PDGFD: variants seen among roughly 807,000 people sequenced by gnomAD.
The protein encoded by PDGFD is platelet derived growth factor D.
A neutral mutation model predicts 44.7 loss-of-function variants in PDGFD; 30 were observed. The observed-to-expected ratio is 0.67, with a 90% CI of 0.50 to 0.91. PDGFD has a LOEUF of 0.91. Among genes scored for constraint, PDGFD ranks in the 40% least tolerant of loss-of-function variants. The pLI, the probability that PDGFD is intolerant of heterozygous loss-of-function variation, is 0.00. For synonymous variants in PDGFD, 173 were observed against 168.4 expected (o/e 1.03, Z -0.21); for missense variants, 445 against 457.8 (o/e 0.97, Z 0.25).
chr11:104,055,699 A>AAT (rs1201073401), intron 1 of PDGFD, among the ~76,000 whole-genome samples: 1 of 152,210 alleles, frequency 6.6e-6, no homozygotes, highest in Admixed American at 6.5e-5. Context: ...GAAGTGACAT[A>AAT]ATAGATATTG....
chr11:103,973,481 G>C (rs147219531), intron 3 of PDGFD, among the ~76,000 whole-genome samples: 2 of 152,072 alleles, frequency 1.3e-5, no homozygotes, highest in African/African-American at 4.8e-5. Context: ...CAACTTAAGA[G>C]GTAATGCTTG....
intron 1 of PDGFD, chr11:104,038,272 T>C: frequency 2.3e-6 from 1 of 430,208 alleles, no homozygotes; most frequent in Non-Finnish European, 4.3e-6. Flanking sequence ...AGATAATCCA[T>C]GAAAAAGAAA....
chr11:103,988,690 A>C (rs1201393266), intron 3 of PDGFD, among the ~76,000 whole-genome samples: 1 of 152,128 alleles, frequency 6.6e-6, no homozygotes, highest in African/African-American at 2.4e-5. Context: ...TTCATATCTC[A>C]GGGATAGCAG....
At chr11:103,938,042 G>A (rs1295366021) in intron 5 of PDGFD, among the ~76,000 whole-genome samples, 3 of 151,342 alleles carry the variant, frequency 2.0e-5, no homozygotes, top group African/African-American at 7.4e-5. Flanking sequence ...ATAGCAGCAT[G>A]ATTTATAATC....
chr11:104,126,172 G>A (rs573686711), intron 1 of PDGFD, among the ~76,000 whole-genome samples: 2 of 152,202 alleles, frequency 1.3e-5, no homozygotes, highest in South Asian at 4.1e-4. Context: ...TAGTCTACAC[G>A]CAATGAATTT....
At chr11:104,079,395 T>G (rs377564807) in intron 1 of PDGFD, among the ~76,000 whole-genome samples, 2 of 152,132 alleles carry the variant, frequency 1.3e-5, no homozygotes, top group African/African-American at 4.8e-5. Flanking sequence ...TTTTCTTTCT[T>G]TTTCTTTTTC....
chr11:103,946,060 C>G (rs1045199239), intron 4 of PDGFD: 1 of 152,076 alleles, frequency 6.6e-6, no homozygotes, highest in Non-Finnish European at 1.5e-5. Context: ...TTCAGCTGAA[C>G]AGTAAATATG....
At chr11:104,144,671 A>G (rs567006295) in intron 1 of PDGFD, among the ~76,000 whole-genome samples, 4 of 152,312 alleles carry the variant, frequency 2.6e-5, no homozygotes, top group African/African-American at 9.6e-5. Context: ...GAAGCTGGCA[A>G]TTGTCTTACC....
intron 3 of PDGFD, among the ~76,000 whole-genome samples, chr11:103,966,263 TG>T (rs1389545109): frequency 3.3e-5 from 5 of 152,164 alleles, no homozygotes; most frequent in African/African-American, 7.2e-5. Flanking sequence ...CAGATAATGC[TG>T]GGTTAAGAAA....
intron 1 of PDGFD, among the ~76,000 whole-genome samples, chr11:104,131,322 A>G (rs1861916849): frequency 6.6e-6 from 1 of 152,170 alleles, no homozygotes; most frequent in Non-Finnish European, 1.5e-5. Flanking sequence ...GCCCTCTTTG[A>G]AGTTTGGAAA....
At chr11:103,984,587 T>C (rs1482282660) in intron 3 of PDGFD, among the ~76,000 whole-genome samples, 1 of 151,312 alleles carries the variant, frequency 6.6e-6, no homozygotes, top group African/African-American at 2.4e-5. Flanking sequence ...TGTGCCAAAA[T>C]ATTCATAGTA....
intron 1 of PDGFD, among the ~76,000 whole-genome samples, chr11:104,145,080 T>C (rs1377538261): frequency 6.6e-6 from 1 of 152,214 alleles, no homozygotes; most frequent in African/African-American, 2.4e-5. Context: ...ATTTACTTTA[T>C]AATAAGTGGT....
At chr11:104,116,928 T>G (rs1029380157) in intron 1 of PDGFD, among the ~76,000 whole-genome samples, 2 of 151,990 alleles carry the variant, frequency 1.3e-5, no homozygotes, top group African/African-American at 4.8e-5. Context: ...TTCTGAGGCC[T>G]CCCCAGCCAT....
rs185084946 is a variant in PDGFD, at chr11:103,909,732, G to A, written c.1075C>T (p.Arg359Ter). ...LVDIQLDHHE[R>*]CDCICSSRPP... ...CTTGAGCTGCAGATACAATCACATC[G>A]TTCATGGTGATCCAACTGGATGTCA... Residue 359 changes from arginine (R) to a stop codon, truncating the protein, a stop_gained, in exon 7 of 7, where the codon CGA (arginine) becomes TGA (stop). Coordinates refer to ENST00000393158, the MANE Select transcript of PDGFD (RefSeq NM_025208.5). LOFTEE classifies it high-confidence loss of function. 1.9e-5 allele frequency: 30 copies of A among 1,613,992 alleles called. No homozygotes were observed. Among genetic ancestry groups the A allele is most frequent in the Admixed American group, 3.3e-5 (2 of 60,024 alleles).
rs768196759 is a variant in PDGFD, at chr11:103,909,817, T to A, written c.990A>T (p.Val330=). ...TGATGTGGCCAGGCTCAAACTGTAA[T>A]ACCTAGGACAAGAAGCACATCTCCT... is the stretch of plus-strand genomic sequence containing the variant. ...SGKTVKKYHE[V]LQFEPGHIKR... is the part of the protein sequence containing the mutation. The change falls in exon 7 of 7, where the codon GTA becomes GTT. Residue 330 remains valine (V), a splice_region_variant and synonymous_variant. Transcript: ENST00000393158. 12 of 1,614,044 alleles carry A rather than the reference T, an allele frequency of 7.4e-6. No individual in the cohort carries two copies. In the East Asian group the frequency reaches 2.2e-4, roughly 30 times the overall value.
At chr11:103,918,278 G>A (rs974787646) in intron 6 of PDGFD, among the ~76,000 whole-genome samples, 13 of 152,176 alleles carry the variant, frequency 8.5e-5, no homozygotes, top group African/African-American at 3.1e-4. Flanking sequence ...AGGGGTTGGG[G>A]TTTGGACTCC....
At chr11:103,959,730 A>G (rs1264581281) in intron 3 of PDGFD, among the ~76,000 whole-genome samples, 2 of 152,160 alleles carry the variant, frequency 1.3e-5, no homozygotes, top group East Asian at 3.9e-4. Flanking sequence ...TTACAAAGAG[A>G]AAAAATACTG....
chr11:104,021,760 A>C (rs1490401986), intron 1 of PDGFD, among the ~76,000 whole-genome samples: 2 of 152,200 alleles, frequency 1.3e-5, no homozygotes, highest in Non-Finnish European at 2.9e-5. Flanking sequence ...GTGGTTATAC[A>C]GCTTATTATG....
intron 3 of PDGFD, among the ~76,000 whole-genome samples, chr11:103,952,803 CA>C (rs1263878616): frequency 6.6e-6 from 1 of 152,090 alleles, no homozygotes; most frequent in Admixed American, 6.5e-5. Flanking sequence ...CTTAACTCCT[CA>C]CATTAAAATA....
Sources: gnomAD v4.1 joint callset for allele counts (sites outside exome capture counted in the v4.1 genomes callset) on GRCh38, gnomAD v4.1.1 for gene constraint, MANE v1.5 for transcripts, NCBI Gene and HGNC (gene_info 2026-07-23, HGNC 2026-07-21) for gene names.